The following UGT2A2 variants were observed in gnomAD, a reference collection of about 807,000 sequenced individuals.
UGT2A2 encodes the protein UDP glucuronosyltransferase family 2 member A2.
A neutral mutation model predicts 50.7 loss-of-function variants in UGT2A2; 60 were observed. The observed-to-expected ratio is 1.18, with a 90% confidence interval of 0.96 to 1.47. UGT2A2 has a LOEUF of 1.47. Ranked by LOEUF, UGT2A2 falls within the 40% of genes most tolerant of loss-of-function variation. The probability of loss-of-function intolerance (pLI) is 0.00; values close to 1 mark genes in which losing one functional copy is unlikely to be tolerated. For missense variants in UGT2A2, 762 were observed against 634.0 expected, an observed-to-expected ratio of 1.20 and a Z score of -2.17; for synonymous variants, 242 against 214.6, an observed-to-expected ratio of 1.13 and a Z score of -1.11.
intron 1 of UGT2A2, among the ~76,000 whole-genome samples, chr4:69,635,329 C>G (rs1334250271): frequency 6.6e-6 from 1 of 152,134 alleles, no homozygotes; most frequent in Non-Finnish European, 1.5e-5. Context: ...CTACAGTGCG[C>G]TGGGATGGAT....
intron 1 of UGT2A2, among the ~76,000 whole-genome samples, chr4:69,630,534 T>C (rs1721325322): frequency 1.3e-5 from 2 of 152,064 alleles, no homozygotes; most frequent in Non-Finnish European, 1.5e-5. Context: ...TACTCTAAGC[T>C]ACTACAAATC....
chr4:69,626,519 A>G (rs1409140201), intron 1 of UGT2A2, among the ~76,000 whole-genome samples: 4 of 151,634 alleles, frequency 2.6e-5, no homozygotes, highest in African/African-American at 9.7e-5. Flanking sequence ...ACTTGAGGAT[A>G]TTTATTGGGT....
chr4:69,594,147 T>C (rs1025896841), intron 5 of UGT2A2, among the ~76,000 whole-genome samples: 2 of 151,932 alleles, frequency 1.3e-5, no homozygotes, highest in Non-Finnish European at 2.9e-5. Flanking sequence ...GCTAAATTTT[T>C]GTATTTTTAG....
intron 1 of UGT2A2, among the ~76,000 whole-genome samples, chr4:69,605,638 G>T (rs773714205): frequency 2.9e-5 from 4 of 136,306 alleles, no homozygotes; most frequent in Non-Finnish European, 4.7e-5. Context: ...CCAGGAGCTG[G>T]TTTTTTGAAA....
chr4:69,638,611 A>G (rs1721855760), intron 1 of UGT2A2, among the ~76,000 whole-genome samples: 1 of 152,162 alleles, frequency 6.6e-6, no homozygotes, highest in African/African-American at 2.4e-5. Context: ...GTATCCTAAT[A>G]TGGGCACTTT....
chr4:69,592,808 CA>C (rs530219488), intron 5 of UGT2A2, among the ~76,000 whole-genome samples: 6 of 151,274 alleles, frequency 4.0e-5, no homozygotes, highest in Admixed American at 1.3e-4. Context: ...AGAAATAATA[CA>C]AAAAAAATTA....
At chr4:69,589,725 A>C in intron 5 of UGT2A2, 74 bp from the exon 6 acceptor site, 1 of 1,528,900 alleles carries the variant, frequency 6.5e-7, no homozygotes, top group South Asian at 1.3e-5. Flanking sequence ...TATGTGATAC[A>C]CTTTTGCTCT....
At chr4:69,595,132 T>C in intron 4 of UGT2A2, 30 bp downstream of exon 4, 1 of 1,612,988 alleles carries the variant, frequency 6.2e-7, no homozygotes, top group Non-Finnish European at 8.5e-7. Flanking sequence ...ATTGTCCCAC[T>C]GTACAGCTTT....
rs1444724886 is a variant in UGT2A2 at position 69,612,326 on chromosome 4, C to T, written c.743-12932G>A. On this transcript the variant is annotated intron_variant, in intron 1 of 5. Coordinates refer to ENST00000604629, the MANE Select transcript of UGT2A2 (RefSeq NM_001105677.2). Reference sequence around the variant, plus strand: ...CAGTATCGTTAAAATGGCCAAATTGCCCAAAGTAATTTACACATTCAATGA... The same window carrying T: ...CAGTATCGTTAAAATGGCCAAATTGTCCAAAGTAATTTACACATTCAATGA... 4.6e-5 allele frequency among the ~76,000 whole-genome samples: 7 copies of T among 152,052 alleles called. No individual in the cohort carries two copies. The Middle Eastern group carries it at 0.014, about 296-fold the overall frequency.
chr4:69,595,409 G>T, intron 3 of UGT2A2, among the ~76,000 whole-genome samples, 160 bp from the exon 4 acceptor site: 1 of 152,214 alleles, frequency 6.6e-6, no homozygotes, highest in East Asian at 1.9e-4. Flanking sequence ...CTGTTTATAT[G>T]TACCTTTTTG....
chr4:69,633,307 A>T (rs112614775), intron 1 of UGT2A2, among the ~76,000 whole-genome samples: 4,462 of 152,292 alleles, frequency 0.029, 221 homozygotes, highest in African/African-American at 0.1. Flanking sequence ...ATAAATACCA[A>T]AAAGAACAAT....
At chr4:69,597,168 T>G (rs1718976978) in intron 2 of UGT2A2, among the ~76,000 whole-genome samples, 1 of 152,166 alleles carries the variant, frequency 6.6e-6, no homozygotes, top group Admixed American at 6.5e-5. Context: ...GTATGCCTCC[T>G]TTGATTCATA....
intron 3 of UGT2A2, 37 bp downstream of exon 3, chr4:69,596,213 T>G: frequency 3.4e-6 from 5 of 1,459,470 alleles, no homozygotes; most frequent in Non-Finnish European, 4.5e-6. Context: ...CTCCCATTAG[T>G]AAAAAGCTGT....
chr4:69,594,710 G>A lies in UGT2A2; in HGVS notation c.1112-14C>T, dbSNP rs772533495. On this transcript the variant is annotated splice_polypyrimidine_tract_variant and intron_variant, in intron 4 of 5. Coordinates refer to ENST00000604629, the MANE Select transcript of UGT2A2 (RefSeq NM_001105677.2). The stretch of plus-strand genomic sequence containing the variant: ...TTTTGGGATGTCCTAATTTGAGGAT[G>A]GAGTGAGAAGTGGGTGTGTAATAAT... 2.5e-6 allele frequency: 4 copies of A among 1,608,094 alleles called. No individual in the cohort carries two copies. In the African/African-American group the frequency reaches 4.0e-5, roughly 16 times the overall value.
Position 69,588,805 on chromosome 4 carries a change from T to C in UGT2A2, c.*567A>G, listed in dbSNP as rs534800694. ...TAATGAAAATTTTGTAGACATTTAA[T>C]AGGGACGCACGTCACACTTAAAATT... On this transcript the variant is annotated 3_prime_UTR_variant, in exon 6 of 6. Transcript: ENST00000604629. 3 of 152,234 alleles carry C rather than the reference T, an allele frequency of 2.0e-5. 1 individual carries two copies. The South Asian group carries it at 6.2e-4, about 32-fold the overall frequency. 9.4% of individuals were successfully genotyped at this position (152,234 alleles called of 1,614,324 possible).
chr4:69,604,963 A>T lies in UGT2A2; in HGVS notation c.743-5569T>A, dbSNP rs1719518308. ...AGAAAGAGACTTAGACTCCCACACA[A>T]TAATAATGAGAGACTTTGACACCCC... On this transcript the variant is annotated intron_variant, in intron 1 of 5. Transcript: ENST00000604629. 1.5e-5 allele frequency among the ~76,000 whole-genome samples: 2 copies of T among 136,502 alleles called. 1 individual carries two copies. Among genetic ancestry groups the T allele is most frequent in the African/African-American group, 5.9e-5 (2 of 33,614 alleles). 89.6% of individuals were successfully genotyped at this position (136,502 alleles called of 152,430 possible).
chr4:69,599,190 G>C (rs554218464), intron 2 of UGT2A2, 56 bp downstream of exon 2: 1 of 1,530,310 alleles, frequency 6.5e-7, no homozygotes, highest in South Asian at 1.3e-5. Flanking sequence ...AACTTTAAAA[G>C]AAAATTAAGT....
chr4:69,599,623 G>T, intron 1 of UGT2A2: 1 of 475,464 alleles, frequency 2.1e-6, no homozygotes, highest in Non-Finnish European at 3.4e-6. Flanking sequence ...GAGGAAGGCA[G>T]GCAAGCAGGG....
At chr4:69,627,540 G>GAA (rs746139070) in intron 1 of UGT2A2, among the ~76,000 whole-genome samples, 7 of 140,398 alleles carry the variant, frequency 5.0e-5, no homozygotes, top group East Asian at 4.1e-4. Flanking sequence ...AAGAAAGAGA[G>GAA]AGAGAGAAAG....
Sources: gnomAD v4.1 joint callset for allele counts (sites outside exome capture counted in the v4.1 genomes callset) on GRCh38, gnomAD v4.1.1 for gene constraint, MANE v1.5 for transcripts, NCBI Gene and HGNC (gene_info 2026-07-23, HGNC 2026-07-21) for gene names.